The following FIG4 variants were observed in gnomAD, a reference collection of about 807,000 sequenced individuals.
FIG4 encodes FIG4 phosphoinositide 5-phosphatase.
A neutral mutation model predicts 118.6 loss-of-function variants in FIG4; 112 were observed. The ratio of observed to expected loss-of-function variants is 0.94; its 90% confidence interval spans 0.81 to 1.11. The LOEUF is 1.11. Ranked by LOEUF, FIG4 falls within the 50% of genes least tolerant of loss-of-function variation. The pLI is 0.00. For synonymous variants in FIG4, 369 were observed against 381.2 expected (o/e 0.97, Z 0.37); for missense variants, 969 against 1,111.7 (o/e 0.87, Z 1.83).
intron 19 of FIG4, 79 bp from the exon 20 acceptor site, chr6:109,791,297 G>C: frequency 8.0e-7 from 1 of 1,245,656 alleles, no homozygotes; most frequent in Non-Finnish European, 1.2e-6. Context: ...TAGGCCTAAG[G>C]CTTTGGGACA....
At chr6:109,801,296 C>T (rs1778419947) in intron 22 of FIG4, among the ~76,000 whole-genome samples, 1 of 152,082 alleles carries the variant, frequency 6.6e-6, no homozygotes, top group Admixed American at 6.6e-5. Context: ...ACCTGTAATC[C>T]CAGCACTTTG....
At chr6:109,704,675 C>CAA (rs36013882) in intron 1 of FIG4, among the ~76,000 whole-genome samples, 267 of 67,620 alleles carry the variant, frequency 3.9e-3, no homozygotes, top group Middle Eastern at 0.024. Context: ...GACTCCATCT[C>CAA]AAAAAAAAAA....
intron 15 of FIG4, among the ~76,000 whole-genome samples, chr6:109,772,826 T>TA (rs1777507106): frequency 1.3e-5 from 2 of 152,170 alleles, no homozygotes; most frequent in South Asian, 4.1e-4. Context: ...CCCATTATCT[T>TA]AGAGTTTCTG....
chr6:109,724,800 C>G (rs1157030081), intron 3 of FIG4, among the ~76,000 whole-genome samples: 1 of 135,406 alleles, frequency 7.4e-6, no homozygotes, highest in Non-Finnish European at 1.6e-5. Flanking sequence ...TTTTTATAAT[C>G]CTTTGTGTGT....
intron 16 of FIG4, among the ~76,000 whole-genome samples, chr6:109,778,183 G>A (rs11757580): frequency 0.27 from 41,573 of 151,858 alleles, 6,194 homozygotes; most frequent in Non-Finnish European, 0.34. Flanking sequence ...CTACCAGGCC[G>A]GGCGTGGTGG....
chr6:109,789,620 T>C lies in FIG4; in HGVS notation c.2123T>C (p.Ile708Thr). Residue 708 changes from isoleucine to threonine, a missense_variant, in exon 19 of 23, where the codon ATT becomes ACT. By Grantham distance (89) the Ile-to-Thr change is moderately conservative. Around this residue, in one of 3 missense-constraint regions of FIG4, gnomAD observed 330 missense variants for 348.1 expected, o/e 0.95. Transcript: ENST00000230124. ...ARDFMPKTVGIDPSPFTVRKP... is the reference protein window; with the variant it reads ...ARDFMPKTVGTDPSPFTVRKP... Reference sequence around the variant, plus strand: ...GACTTTATGCCTAAGACCGTTGGAATTGATCCAAGTCCATTTACTGTGCGT... The same window carrying C: ...GACTTTATGCCTAAGACCGTTGGAACTGATCCAAGTCCATTTACTGTGCGT... 6.2e-7 allele frequency: 1 copy of C among 1,613,640 alleles called. No homozygotes were observed. The highest frequency in any genetic ancestry group is 1.7e-5 in the Admixed American group (1 of 60,028).
At chr6:109,797,896 CAAAAAAAA>C (rs11341028) in intron 22 of FIG4, among the ~76,000 whole-genome samples, 9 of 78,924 alleles carry the variant, frequency 1.1e-4, no homozygotes, top group Non-Finnish European at 2.5e-4. Context: ...ACTCCATCTC[CAAAAAAAA>C]AAAAAAAAAA....
intron 22 of FIG4, among the ~76,000 whole-genome samples, chr6:109,801,475 G>T (rs1202687543): frequency 6.6e-6 from 1 of 152,188 alleles, no homozygotes; most frequent in Non-Finnish European, 1.5e-5. Context: ...CTGAACCCAG[G>T]AGGTGGAGGT....
chr6:109,697,920 G>T (rs1482684607), intron 1 of FIG4, among the ~76,000 whole-genome samples: 1 of 146,102 alleles, frequency 6.8e-6, no homozygotes, highest in Non-Finnish European at 1.5e-5. Flanking sequence ...ACGGTGATTT[G>T]CACTGTCGCC....
At chr6:109,718,337 G>A (rs986443857) in intron 3 of FIG4, among the ~76,000 whole-genome samples, 3 of 152,156 alleles carry the variant, frequency 2.0e-5, no homozygotes, top group African/African-American at 7.2e-5. Flanking sequence ...CATGAGATTT[G>A]TGTGAAGACA....
chr6:109,815,570 G>C (rs1228579313), intron 22 of FIG4, among the ~76,000 whole-genome samples: 1 of 131,580 alleles, frequency 7.6e-6, no homozygotes, highest in African/African-American at 2.9e-5. Flanking sequence ...ACTGTCACAG[G>C]CTGCCTCTCC....
chr6:109,788,487 G>C (rs560964533), intron 18 of FIG4, among the ~76,000 whole-genome samples: 4 of 152,176 alleles, frequency 2.6e-5, no homozygotes, highest in Admixed American at 6.5e-5. Context: ...ATTAAGAAGC[G>C]GAGTACCCCT....
Position 109,796,758 on chromosome 6 carries a change from T to A in FIG4, c.2460-7T>A. On this transcript the variant is annotated splice_region_variant and splice_polypyrimidine_tract_variant and intron_variant, in intron 21 of 22. Transcript: ENST00000230124. ...TTTAGCTGACTCTTATCCATTGTAA[T>A]TTGTAGATTTGTTCAGCTGGGGCAG... 6.4e-7 allele frequency: 1 copy of A among 1,574,136 alleles called. No individual in the cohort carries two copies. The highest frequency in any genetic ancestry group is 8.7e-7 in the Non-Finnish European group (1 of 1,143,492).
chr6:109,714,155 G>A (rs544599184), intron 1 of FIG4, among the ~76,000 whole-genome samples: 24 of 152,296 alleles, frequency 1.6e-4, no homozygotes, highest in African/African-American at 5.8e-4. Context: ...TGGTCAGGGA[G>A]TCTCCTTCTG....
Position 109,808,996 on chromosome 6 carries a change from G to A in FIG4, c.2546+12145G>A, listed in dbSNP as rs376573782. On this transcript the variant is annotated intron_variant, in intron 22 of 22. Coordinates refer to ENST00000230124, the MANE Select transcript of FIG4 (RefSeq NM_014845.6). ...TTAAAAACTCATGCATGGGTAAAAA[G>A]CATTCATTCCAAGTGTGACATGCAT... Among the ~76,000 whole-genome samples, 6 of 152,290 alleles carry A rather than the reference G, an allele frequency of 3.9e-5. No individual in the cohort carries two copies. The East Asian group carries it at 1.2e-3, about 29-fold the overall frequency.
intron 13 of FIG4, among the ~76,000 whole-genome samples, chr6:109,764,581 G>A (rs368102451): frequency 6.6e-6 from 1 of 152,016 alleles, no homozygotes; most frequent in Non-Finnish European, 1.5e-5. Context: ...TGGAAAAGAC[G>A]CCAAGTGTAT....
At chr6:109,774,851 C>T (rs1031024071) in intron 15 of FIG4, among the ~76,000 whole-genome samples, 1 of 151,930 alleles carries the variant, frequency 6.6e-6, no homozygotes, top group African/African-American at 2.4e-5. Flanking sequence ...GTCCCTTCCA[C>T]CCCCACCCCA....
chr6:109,709,965 C>T (rs569421842), intron 1 of FIG4, among the ~76,000 whole-genome samples: 34 of 152,114 alleles, frequency 2.2e-4, no homozygotes, highest in South Asian at 1.9e-3. Context: ...TTCTCTTGCC[C>T]GATTACCCTG....
intron 6 of FIG4, 71 bp from the exon 7 acceptor site, chr6:109,738,254 A>G: frequency 7.5e-7 from 1 of 1,332,854 alleles, no homozygotes; most frequent in Admixed American, 1.8e-5. Flanking sequence ...TCTTTCTGAT[A>G]CCAACCTTTT....
Sources: gnomAD v4.1 joint callset for allele counts (sites outside exome capture counted in the v4.1 genomes callset) on GRCh38, gnomAD v4.1.1 for gene constraint, gnomAD v4.1.1 regional missense constraint, MANE v1.5 for transcripts, NCBI Gene and HGNC (gene_info 2026-07-23, HGNC 2026-07-21) for gene names.